Variants in COLEC11 observed in about 807,000 individuals in gnomAD.
The protein encoded by COLEC11 is collectin-11.
A neutral mutation model predicts 27.3 loss-of-function variants in COLEC11; 20 were observed. The observed-to-expected ratio is 0.73, with a 90% CI of 0.51 to 1.06. The LOEUF is 1.06. COLEC11 is among the 50% of genes least tolerant of loss of function. The probability of loss-of-function intolerance (pLI) is 0.00; values close to 1 mark genes in which losing one functional copy is unlikely to be tolerated. For missense variants in COLEC11, 310 were observed against 383.0 expected (o/e 0.81, Z 1.59); for synonymous variants, 163 against 154.7 (o/e 1.05, Z -0.40).
intron 3 of COLEC11, among the ~76,000 whole-genome samples, chr2:3,623,295 G>T (rs1664304436): frequency 6.6e-6 from 1 of 152,174 alleles, no homozygotes; most frequent in African/African-American, 2.4e-5. Context: ...CCTATTTGGA[G>T]ACTTTAAGCT....
chr2:3,617,575 T>C, intron 3 of COLEC11: 1 of 1,608,180 alleles, frequency 6.2e-7, no homozygotes, highest in Non-Finnish European at 8.5e-7. Flanking sequence ...GCTTCTCCTG[T>C]TCAGTCGTTT....
chr2:3,619,012 T>G (rs1384090612), intron 3 of COLEC11, among the ~76,000 whole-genome samples: 1 of 152,228 alleles, frequency 6.6e-6, no homozygotes, highest in Non-Finnish European at 1.5e-5. Flanking sequence ...GTGTTGATTT[T>G]GTATCCTGCA....
intron 2 of COLEC11, chr2:3,604,944 G>T: frequency 2.3e-6 from 1 of 428,982 alleles, no homozygotes; most frequent in Non-Finnish European, 4.7e-6. Flanking sequence ...TAGTGGTTAG[G>T]GGAAAAAAAA....
intron 2 of COLEC11, among the ~76,000 whole-genome samples, chr2:3,608,211 C>A (rs1289521398): frequency 1.3e-5 from 2 of 152,172 alleles, no homozygotes; most frequent in Non-Finnish European, 2.9e-5. Context: ...GGAAGCCAAG[C>A]AAACAGTAAA....
chr2:3,633,398 C>T (rs976925913), intron 3 of COLEC11, among the ~76,000 whole-genome samples: 2 of 152,236 alleles, frequency 1.3e-5, no homozygotes, highest in East Asian at 1.9e-4. Flanking sequence ...CTGAATCACA[C>T]GGCCAGATGT....
rs1038155847 is a variant in COLEC11, at chr2:3,599,785, G to T, written c.-26-4530G>T. Among the ~76,000 whole-genome samples the T allele has an allele frequency of 4.6e-5, 7 of 152,196 alleles. No individual in the cohort carries two copies. In the South Asian group the frequency reaches 1.2e-3, roughly 27 times the overall value. ...GCCTACTGGCCCCACAGTCATGAGG[G>T]TGAGCTCCACGCCACCAGCTGTGCC... On this transcript the variant is annotated intron_variant, in intron 1 of 6. Transcript: ENST00000349077.
intron 2 of COLEC11, chr2:3,606,161 C>A (rs1273516809): frequency 3.2e-6 from 5 of 1,550,518 alleles, no homozygotes; most frequent in Non-Finnish European, 4.4e-6. Context: ...GAGAGCTGGA[C>A]TTTTGGCTGT....
chr2:3,606,303 G>A (rs1662694687), intron 2 of COLEC11: 5 of 1,431,498 alleles, frequency 3.5e-6, no homozygotes, highest in Non-Finnish European at 3.8e-6. Context: ...TCTGGGCGCC[G>A]CCTTTCCCAG....
intron 5 of COLEC11, among the ~76,000 whole-genome samples, chr2:3,640,820 C>T (rs1183502326): frequency 3.9e-5 from 2 of 51,586 alleles, no homozygotes; most frequent in Non-Finnish European, 7.2e-5. Flanking sequence ...CACCCACCCC[C>T]GTCACATCCC....
rs755109057 is a variant in COLEC11, at chr2:3,644,520, G to T, written c.*402G>T. The T allele has an allele frequency of 2.2e-6, 1 of 463,256 alleles. No individual in the cohort carries two copies. Among genetic ancestry groups the T allele is most frequent in the South Asian group, 1.6e-5 (1 of 63,608 alleles). The allele number at this position is 463,256 out of a possible 1,614,324, so 28.7% of individuals were successfully genotyped here. ...TTCTATATGGAAAAGAACTCACTTT[G>T]ACCAACACTTCTGTAAATTACATTA... On this transcript the variant is annotated 3_prime_UTR_variant, in exon 7 of 7. Transcript: ENST00000349077.
chr2:3,644,050 G>A lies in COLEC11; in HGVS notation c.748G>A (p.Gly250Ser), dbSNP rs372572907. ...EDCVEMVASG[G>S]WNDVACHTTM... ...CTGCGTGGAGATGGTGGCCTCGGGC[G>A]GCTGGAACGACGTGGCCTGCCACAC... Residue 250 changes from glycine (G) to serine (S), a missense_variant, in exon 7 of 7, where the codon GGC becomes AGC. By Grantham distance (56) the Gly-to-Ser change is moderately conservative (BLOSUM62 0). Coordinates refer to ENST00000349077, the MANE Select transcript of COLEC11 (RefSeq NM_024027.5). 1.5e-5 allele frequency: 25 copies of A among 1,613,614 alleles called. No individual in the cohort carries two copies. The highest frequency in any genetic ancestry group is 1.0e-4 in the Admixed American group (6 of 60,016).
At chr2:3,603,007 G>A (rs1662347972) in intron 1 of COLEC11, among the ~76,000 whole-genome samples, 1 of 152,230 alleles carries the variant, frequency 6.6e-6, no homozygotes, top group African/African-American at 2.4e-5. Context: ...CTAGAGCTGT[G>A]CCTGACATTT....
At chr2:3,638,243 C>T (rs1415851444) in intron 4 of COLEC11, among the ~76,000 whole-genome samples, 3 of 152,054 alleles carry the variant, frequency 2.0e-5, no homozygotes, top group Non-Finnish European at 4.4e-5. Context: ...GGTGCTGCTC[C>T]TATGCGCCCC....
At chr2:3,616,794 C>T (rs188277835) in intron 3 of COLEC11, among the ~76,000 whole-genome samples, 2 of 149,850 alleles carry the variant, frequency 1.3e-5, no homozygotes, top group Middle Eastern at 3.2e-3. Context: ...AGAGGGAGAC[C>T]GTGGGGAGAG....
intron 2 of COLEC11, among the ~76,000 whole-genome samples, chr2:3,604,838 T>A (rs1008079603): frequency 5.9e-5 from 9 of 152,024 alleles, no homozygotes; most frequent in Non-Finnish European, 1.3e-4. Context: ...TCAGAGAAAA[T>A]TTGCAACTTG....
chr2:3,638,918 C>A lies in COLEC11; in HGVS notation c.274+1314C>A, dbSNP rs189931968. Among the ~76,000 whole-genome samples the A allele has an allele frequency of 5.9e-5, 9 of 152,328 alleles. No individual in the cohort carries two copies. In the East Asian group the frequency reaches 1.7e-3, roughly 29 times the overall value. ...TACAGCCATTACCACTATTTCCAAA[C>A]CCTTTTCATCTCTCCAAAGAGAGAC... On this transcript the variant is annotated intron_variant, in intron 4 of 6. Transcript: ENST00000349077.
rs909572009 is a variant in COLEC11, at chr2:3,637,633, TC to T, written c.274+35del. ...TTTGCAATGCGATTCTTGCCTCATT[TC>T]CCCCCTGCCCCTAGGGTCAGCGTCT... On this transcript the variant is annotated intron_variant, in intron 4 of 6. Transcript: ENST00000349077. 21 of 1,579,464 alleles carry T rather than the reference TC, an allele frequency of 1.3e-5. No individual in the cohort carries two copies. In the African/African-American group the frequency reaches 1.6e-4, roughly 12 times the overall value.
At chr2:3,609,357 T>TGA (rs1558492493) in intron 2 of COLEC11, among the ~76,000 whole-genome samples, 554 of 82,486 alleles carry the variant, frequency 6.7e-3, no homozygotes, top group African/African-American at 0.011. Flanking sequence ...CTTTGATTTT[T>TGA]TTTTTTTTTT....
At position 3,622,338 on chromosome 2, in the gene COLEC11, C is replaced by T. The variant is rs182109854; in HGVS notation, c.202+8956C>T. Among the ~76,000 whole-genome samples, 8 of 152,130 alleles carry T rather than the reference C, an allele frequency of 5.3e-5. No individual in the cohort carries two copies. The East Asian group carries it at 1.5e-3, about 29-fold the overall frequency. On this transcript the variant is annotated intron_variant, in intron 3 of 6. Coordinates refer to ENST00000349077, the MANE Select transcript of COLEC11 (RefSeq NM_024027.5). ...GTGAAACCCTGTCTCTAAAAACAAA[C>T]AAACAACAACAACAAATTATTGTGG...
Sources: allele counts gnomAD v4.1 joint callset (sites outside exome capture counted in the v4.1 genomes callset), GRCh38; gene constraint gnomAD v4.1.1; transcripts MANE v1.5; gene names NCBI Gene and HGNC (gene_info 2026-07-23, HGNC 2026-07-21).